Variants in APP observed in about 807,000 individuals in gnomAD.
APP encodes amyloid-beta precursor protein.
In APP, 31 loss-of-function variants were observed where a neutral mutation model predicts 101.4. That is an observed-to-expected ratio of 0.31 (90% confidence interval 0.23 to 0.41). The LOEUF is 0.41. APP is among the 10% of genes least tolerant of loss of function. The pLI, the probability that APP is intolerant of heterozygous loss-of-function variation, is 1.00. For missense variants in APP, 839 were observed against 1,003.7 expected, an observed-to-expected ratio of 0.84 and a Z score of 2.22; for synonymous variants, 366 against 364.4, an observed-to-expected ratio of 1.00 and a Z score of -0.05.
chr21:26,124,247 CA>C (rs2062636444), intron 1 of APP, among the ~76,000 whole-genome samples: 1 of 152,052 alleles, frequency 6.6e-6, no homozygotes, highest in South Asian at 2.1e-4. Flanking sequence ...TTTATTGTGG[CA>C]CCAGGAGAGT....
intron 2 of APP, among the ~76,000 whole-genome samples, chr21:26,096,938 TG>T (rs2061955120): frequency 6.6e-6 from 1 of 152,194 alleles, no homozygotes; most frequent in Non-Finnish European, 1.5e-5. Flanking sequence ...CAGACAAGAC[TG>T]GATCTGGCAG....
chr21:25,891,802 C>T lies in APP; in HGVS notation c.2131G>A (p.Val711Ile). 2 of 1,614,136 alleles carry T rather than the reference C, an allele frequency of 1.2e-6. No individual in the cohort carries two copies. The highest frequency in any genetic ancestry group is 1.7e-6 in the Non-Finnish European group (2 of 1,180,016). ...GTGATGACGATCACTGTCGCTATGA[C>T]AACACCGCCCACCATGAGTCCAATG... ...AIIGLMVGGV[V>I]IATVIVITLV... Residue 711 changes from valine (V) to isoleucine (I), a missense_variant, in exon 17 of 18, where the codon GTC becomes ATC. Transcript: ENST00000346798.
At chr21:25,969,983 C>A (rs191962) in intron 11 of APP, among the ~76,000 whole-genome samples, 130,824 of 136,616 alleles carry the variant, frequency 0.96, 62,520 homozygotes, top group Non-Finnish European at 1. Flanking sequence ...GGAAGGAAGG[C>A]AGGAGAGAAA....
chr21:25,902,345 G>C (rs1569031382), intron 15 of APP, among the ~76,000 whole-genome samples: 2 of 152,278 alleles, frequency 1.3e-5, no homozygotes, highest in Admixed American at 1.3e-4. Context: ...ATGTGAAGAA[G>C]AACCAAAGCT....
At chr21:26,055,383 TACC>T (rs989566098) in intron 3 of APP, among the ~76,000 whole-genome samples, 5 of 152,144 alleles carry the variant, frequency 3.3e-5, no homozygotes, top group East Asian at 1.9e-4. Context: ...ATGCAAATGA[TACC>T]ACATTTCTCT....
intron 13 of APP, among the ~76,000 whole-genome samples, chr21:25,932,664 A>C (rs2040198349): frequency 6.6e-6 from 1 of 152,170 alleles, no homozygotes; most frequent in South Asian, 2.1e-4. Context: ...TACTTTAAAA[A>C]TGTTATTTTC....
At chr21:26,027,830 A>T (rs2044646948) in intron 5 of APP, among the ~76,000 whole-genome samples, 1 of 127,796 alleles carries the variant, frequency 7.8e-6, no homozygotes, top group Non-Finnish European at 1.6e-5. Context: ...CTAAAGGCAT[A>T]AGCCCACCTG....
chr21:25,976,087 T>TG, intron 9 of APP, 59 bp from the exon 10 acceptor site: 1 of 1,343,198 alleles, frequency 7.4e-7, no homozygotes, highest in Non-Finnish European at 1.1e-6. Context: ...GAATACAGAC[T>TG]TAATAGGATG....
chr21:25,919,940 T>C (rs1256789953), intron 13 of APP, among the ~76,000 whole-genome samples: 2 of 113,306 alleles, frequency 1.8e-5, no homozygotes, highest in Non-Finnish European at 3.5e-5. Flanking sequence ...TTCACCAAAG[T>C]TGAAATGAAG....
chr21:25,986,678 C>G (rs1295970623), intron 8 of APP, among the ~76,000 whole-genome samples: 1 of 152,158 alleles, frequency 6.6e-6, no homozygotes, highest in Non-Finnish European at 1.5e-5. Flanking sequence ...CCAGTCTGGG[C>G]TACAAGAGCG....
chr21:26,156,360 A>G (rs941790007), intron 1 of APP, among the ~76,000 whole-genome samples: 2 of 152,256 alleles, frequency 1.3e-5, no homozygotes, highest in Non-Finnish European at 2.9e-5. Context: ...GATAGTTTCT[A>G]GAGAGCTTAT....
intron 1 of APP, among the ~76,000 whole-genome samples, chr21:26,162,735 G>T (rs1409244041): frequency 6.7e-6 from 1 of 149,368 alleles, no homozygotes; most frequent in African/African-American, 2.5e-5. Flanking sequence ...TTATGCAACA[G>T]ATCTCTTATT....
At chr21:25,907,988 A>C in intron 14 of APP, among the ~76,000 whole-genome samples, 1 of 152,212 alleles carries the variant, frequency 6.6e-6, no homozygotes, top group East Asian at 1.9e-4. Context: ...TAAAAATATT[A>C]TTTTATCTAC....
chr21:26,118,578 A>G (rs1319557257), intron 1 of APP, among the ~76,000 whole-genome samples: 4 of 152,152 alleles, frequency 2.6e-5, no homozygotes, highest in African/African-American at 9.7e-5. Context: ...TCTGAGACAG[A>G]GTCTTGCTCA....
chr21:26,024,119 GCCTAT>G (rs1207541541), intron 5 of APP, among the ~76,000 whole-genome samples: 2 of 152,140 alleles, frequency 1.3e-5, no homozygotes, highest in African/African-American at 2.4e-5. Context: ...AATAGTAAAA[GCCTAT>G]CGTATACCAC....
Position 26,138,987 on chromosome 21 carries a change from G to A in APP, c.58-26841C>T, listed in dbSNP as rs142319598. On this transcript the variant is annotated intron_variant, in intron 1 of 17. Transcript: ENST00000346798. ...TTTATGTAGACTGGCGGGGTGGGGC[G>A]GGGAATTGTGACACGGTTACACTTT... 2.3e-3 allele frequency among the ~76,000 whole-genome samples: 348 copies of A among 152,142 alleles called. 2 individuals are homozygous for A. Among genetic ancestry groups the A allele is most frequent in the South Asian group, 3.9e-3 (19 of 4,814 alleles).
At chr21:26,086,359 T>C (rs1266032857) in intron 3 of APP, among the ~76,000 whole-genome samples, 2 of 152,204 alleles carry the variant, frequency 1.3e-5, no homozygotes, top group Non-Finnish European at 2.9e-5. Flanking sequence ...ACTTTCCCCA[T>C]GCAGACAAGA....
intron 16 of APP, among the ~76,000 whole-genome samples, chr21:25,892,213 A>G (rs113878877): frequency 1.8e-3 from 279 of 152,266 alleles, no homozygotes; most frequent in African/African-American, 6.6e-3. Flanking sequence ...CAGGTGGAAC[A>G]TTTGGTGAGT....
At chr21:26,136,176 A>AG (rs370044418) in intron 1 of APP, among the ~76,000 whole-genome samples, 46 of 84,108 alleles carry the variant, frequency 5.5e-4, no homozygotes, top group African/African-American at 1.7e-3. Flanking sequence ...AAGAAAAGAA[A>AG]GAAAGAAAGA....
Sources: allele counts gnomAD v4.1 joint callset (sites outside exome capture counted in the v4.1 genomes callset), GRCh38; gene constraint gnomAD v4.1.1; transcripts MANE v1.5; gene names NCBI Gene and HGNC (gene_info 2026-07-23, HGNC 2026-07-21).